CFAP299: variants seen among roughly 807,000 people sequenced by gnomAD.
CFAP299 encodes the protein cilia and flagella associated protein 299.
A neutral mutation model predicts 27.0 loss-of-function variants in CFAP299; 21 were observed. The observed-to-expected ratio is 0.78, with a 90% CI of 0.55 to 1.12. CFAP299 has a LOEUF of 1.12. Ranked by LOEUF, CFAP299 falls within the 50% of genes most tolerant of loss-of-function variation. The pLI is 0.00. For missense variants in CFAP299, 310 were observed against 276.6 expected, an observed-to-expected ratio of 1.12 and a Z score of -0.86; for synonymous variants, 104 against 98.1, an observed-to-expected ratio of 1.06 and a Z score of -0.36.
At chr4:80,337,701 C>T (rs1031388298) in intron 1 of CFAP299, among the ~76,000 whole-genome samples, 26 of 152,048 alleles carry the variant, frequency 1.7e-4, no homozygotes, top group African/African-American at 5.1e-4. Context: ...CCCAGCCCAT[C>T]AATCAGAATT....
intron 3 of CFAP299, among the ~76,000 whole-genome samples, chr4:80,627,208 A>G (rs1052313376): frequency 6.6e-6 from 1 of 151,978 alleles, no homozygotes; most frequent in Non-Finnish European, 1.5e-5. Context: ...AAATCGGTAA[A>G]TGTAATACAT....
At chr4:80,923,442 A>G (rs2110212524) in intron 4 of CFAP299, among the ~76,000 whole-genome samples, 1 of 152,144 alleles carries the variant, frequency 6.6e-6, no homozygotes, top group African/African-American at 2.4e-5. Context: ...TTATTTGTCC[A>G]TTTTCACTGT....
At chr4:80,588,598 GGT>G (rs1385568885) in intron 3 of CFAP299, among the ~76,000 whole-genome samples, 1 of 150,544 alleles carries the variant, frequency 6.6e-6, no homozygotes, top group Non-Finnish European at 1.5e-5. Context: ...AATATGATTT[GGT>G]GTCCAAAAAT....
intron 4 of CFAP299, among the ~76,000 whole-genome samples, chr4:80,909,487 T>A (rs1169373399): frequency 1.3e-5 from 2 of 151,992 alleles, no homozygotes; most frequent in Non-Finnish European, 2.9e-5. Context: ...TGAGTCCCAA[T>A]TTTTAAACTA....
At chr4:80,405,272 G>C (rs1726358869) in intron 2 of CFAP299, among the ~76,000 whole-genome samples, 1 of 152,156 alleles carries the variant, frequency 6.6e-6, no homozygotes, top group South Asian at 2.1e-4. Flanking sequence ...AAGAATCTGT[G>C]TTTAGATGAG....
intron 3 of CFAP299, among the ~76,000 whole-genome samples, chr4:80,661,026 CG>C: frequency 6.6e-6 from 1 of 151,818 alleles, no homozygotes; most frequent in South Asian, 2.1e-4. Flanking sequence ...GTGCTAACTC[CG>C]TTAAAGTGAT....
intron 4 of CFAP299, among the ~76,000 whole-genome samples, chr4:80,902,626 C>CACACACACACA: frequency 6.7e-6 from 1 of 148,324 alleles, no homozygotes; most frequent in Non-Finnish European, 1.5e-5. Flanking sequence ...CACACACACA[C>CACACACACACA]TTTGGTGACT....
intron 2 of CFAP299, among the ~76,000 whole-genome samples, chr4:80,579,403 A>C (rs1216072157): frequency 6.6e-6 from 1 of 152,172 alleles, no homozygotes; most frequent in African/African-American, 2.4e-5. Flanking sequence ...TACATGCCCA[A>C]GTGAAAACAG....
At chr4:80,813,129 A>G (rs1729240874) in intron 3 of CFAP299, among the ~76,000 whole-genome samples, 1 of 152,126 alleles carries the variant, frequency 6.6e-6, no homozygotes, top group African/African-American at 2.4e-5. Flanking sequence ...CAGTAGACAT[A>G]TAAAATGCTT....
intron 3 of CFAP299, among the ~76,000 whole-genome samples, chr4:80,698,039 A>G (rs1168262726): frequency 6.6e-6 from 1 of 152,224 alleles, no homozygotes; most frequent in African/African-American, 2.4e-5. Context: ...AAATATGACA[A>G]AAAATTGTCA....
intron 2 of CFAP299, among the ~76,000 whole-genome samples, chr4:80,366,236 G>A (rs1723826912): frequency 6.6e-6 from 1 of 152,188 alleles, no homozygotes; most frequent in African/African-American, 2.4e-5. Context: ...TCCACTATCA[G>A]ATCATCTTAC....
At chr4:80,688,142 T>C (rs566903714) in intron 3 of CFAP299, among the ~76,000 whole-genome samples, 111 of 152,284 alleles carry the variant, frequency 7.3e-4, no homozygotes, top group African/African-American at 2.5e-3. Context: ...CAGGCTTGCT[T>C]AGGTAAACAA....
chr4:80,745,470 G>A (rs996999099), intron 3 of CFAP299, among the ~76,000 whole-genome samples: 1 of 151,982 alleles, frequency 6.6e-6, no homozygotes, highest in Non-Finnish European at 1.5e-5. Context: ...CAAAAATATT[G>A]TATTTAGTTT....
At position 80,921,397 on chromosome 4, in the gene CFAP299, G is replaced by C. The variant is rs556233780; in HGVS notation, c.477-23413G>C. On this transcript the variant is annotated intron_variant, in intron 4 of 5. Transcript: ENST00000358105. ...GGGGAGAGAGGCAAGAGTTCCTAGA[G>C]GAAGTGCTGAGAGAGCTAATTTTTA... Among the ~76,000 whole-genome samples, 4 of 152,140 alleles carry C rather than the reference G, an allele frequency of 2.6e-5. No individual in the cohort carries two copies. The South Asian group carries it at 8.3e-4, about 32-fold the overall frequency.
At chr4:80,765,571 G>T (rs555129828) in intron 3 of CFAP299, among the ~76,000 whole-genome samples, 1 of 151,658 alleles carries the variant, frequency 6.6e-6, no homozygotes. Context: ...AAAATAAAAA[G>T]AATTGGACCC....
chr4:80,550,345 G>A lies in CFAP299; in HGVS notation c.243-32748G>A, dbSNP rs147881934. 6.6e-5 allele frequency among the ~76,000 whole-genome samples: 10 copies of A among 151,992 alleles called. No individual in the cohort carries two copies. The East Asian group carries it at 1.7e-3, about 26-fold the overall frequency. On this transcript the variant is annotated intron_variant, in intron 2 of 5. Transcript: ENST00000358105. ...ATTGATATGAAGTGCAGGTTATCTC[G>A]TTTTATTGCGATTGCATCAACTGAG...
intron 3 of CFAP299, among the ~76,000 whole-genome samples, chr4:80,753,686 C>T (rs989509932): frequency 6.6e-6 from 1 of 151,896 alleles, no homozygotes. Context: ...TATTTTTTCC[C>T]TCCTCTTTGC....
chr4:80,345,673 A>C (rs535576703), intron 1 of CFAP299, among the ~76,000 whole-genome samples: 1 of 152,192 alleles, frequency 6.6e-6, no homozygotes, highest in East Asian at 1.9e-4. Flanking sequence ...CCAGTCTATC[A>C]CTGATGGACA....
chr4:80,822,964 A>C (rs991379146), intron 3 of CFAP299, among the ~76,000 whole-genome samples: 2 of 152,134 alleles, frequency 1.3e-5, no homozygotes, highest in African/African-American at 4.8e-5. Flanking sequence ...AAAACCACTT[A>C]CGTGAAGTTT....
Sources: allele counts gnomAD v4.1 joint callset (sites outside exome capture counted in the v4.1 genomes callset), GRCh38; gene constraint gnomAD v4.1.1; transcripts MANE v1.5; gene names NCBI Gene and HGNC (gene_info 2026-07-23, HGNC 2026-07-21).